Variants in CALB2 observed in about 807,000 individuals in gnomAD.
CALB2 encodes calbindin 2.
CALB2 carries 34 observed loss-of-function variants against 45.9 expected under a neutral mutation model. That is an observed-to-expected ratio of 0.74 (90% CI 0.56 to 0.99). The LOEUF is 0.99. Among genes scored for constraint, CALB2 ranks in the 50% least tolerant of loss-of-function variants. The pLI is 0.00. For missense variants in CALB2, 344 were observed against 339.3 expected (o/e 1.01, Z -0.11); for synonymous variants, 142 against 129.6 (o/e 1.10, Z -0.65).
chr16:71,382,651 G>A (rs576200028), intron 4 of CALB2, 68 bp from the exon 5 acceptor site: 2 of 1,511,842 alleles, frequency 1.3e-6, no homozygotes, highest in East Asian at 2.3e-5. Flanking sequence ...CCATTAAAGG[G>A]GAATGGAAGG....
chr16:71,382,911 G>A, intron 5 of CALB2, 136 bp downstream of exon 5: 1 of 762,206 alleles, frequency 1.3e-6, no homozygotes, highest in Non-Finnish European at 2.1e-6. Flanking sequence ...CTGAATTGTT[G>A]GACTTGTTTA....
intron 1 of CALB2, among the ~76,000 whole-genome samples, chr16:71,360,086 CAG>C (rs1598156466): frequency 6.6e-6 from 1 of 152,220 alleles, no homozygotes; most frequent in African/African-American, 2.4e-5. Flanking sequence ...TGTGGGATGA[CAG>C]GGAGTTTATC....
intron 2 of CALB2, among the ~76,000 whole-genome samples, chr16:71,372,458 T>C (rs4788797): frequency 0.86 from 130,670 of 152,130 alleles, 56,412 homozygotes; most frequent in Admixed American, 0.91. Context: ...GGTTGATGAA[T>C]CCTCCTGCAA....
Position 71,374,742 on chromosome 16 carries a change from C to T in CALB2, c.172-3C>T, listed in dbSNP as rs1178053903. The T allele has an allele frequency of 6.9e-6, 11 of 1,604,770 alleles. No individual in the cohort carries two copies. The highest frequency in any genetic ancestry group is 9.4e-6 in the Non-Finnish European group (11 of 1,171,842). On this transcript the variant is annotated splice_region_variant and splice_polypyrimidine_tract_variant and intron_variant, in intron 2 of 10. Transcript: ENST00000302628. ...AAAATCAGCCCCCTTTGTCTTTCCA[C>T]AGATGTCAAAGAGTGACAACTTTGG...
At chr16:71,369,368 C>A (rs2042320899) in intron 1 of CALB2, among the ~76,000 whole-genome samples, 1 of 152,140 alleles carries the variant, frequency 6.6e-6, no homozygotes, top group African/African-American at 2.4e-5. Flanking sequence ...GTCGGTGCCT[C>A]AGCAAGAAAG....
chr16:71,386,250 A>T (rs1188742552), intron 10 of CALB2, among the ~76,000 whole-genome samples: 1 of 152,216 alleles, frequency 6.6e-6, no homozygotes, highest in Non-Finnish European at 1.5e-5. Flanking sequence ...TCTTCTGTGG[A>T]CGCTTGGGTT....
chr16:71,384,622 TAC>T (rs757398687), intron 8 of CALB2, among the ~76,000 whole-genome samples, 159 bp from the exon 9 acceptor site: 2 of 1,914 alleles, frequency 1.0e-3, no homozygotes, highest in Admixed American at 7.5e-3. Context: ...ACACCCCACA[TAC>T]ACAGAGACAT....
Position 71,389,839 on chromosome 16 carries a change from G to C in CALB2, c.790G>C (p.Val264Leu). The C allele has an allele frequency of 6.2e-7, 1 of 1,613,740 alleles. No individual in the cohort carries two copies. Among genetic ancestry groups the C allele is most frequent in the South Asian group, 1.1e-5 (1 of 91,072 alleles). ...GCTCTACCGCAAGGACCTGGAGATT[G>C]TGCTCTGCAGCGAGCCCCCCATGTA... ...GKLYRKDLEI[V>L]LCSEPPM Residue 264 changes from valine to leucine, a missense_variant, in exon 11 of 11, where the codon GTG becomes CTG. Transcript: ENST00000302628.
In CALB2 at chr16:71,372,186, A is replaced by C; in HGVS notation, c.128A>C (p.Asn43Thr). 6.8e-6 allele frequency: 11 copies of C among 1,612,380 alleles called. No individual in the cohort carries two copies. The highest frequency in any genetic ancestry group is 9.3e-6 in the Non-Finnish European group (11 of 1,179,150). ...TATATTGAAGGTAAAGAGCTAGAAAACTTTTTCCAAGAGCTGGAGAAGGCA... is the reference window on the plus strand; with the variant it reads ...TATATTGAAGGTAAAGAGCTAGAAACCTTTTTCCAAGAGCTGGAGAAGGCA... ...NGYIEGKELE[N>T]FFQELEKARK... The change falls in exon 2 of 11, where the codon AAC (asparagine) becomes ACC (threonine). Residue 43 changes from asparagine to threonine, a missense_variant. Transcript: ENST00000302628.
chr16:71,383,712 G>A (rs1438361323), intron 6 of CALB2, among the ~76,000 whole-genome samples: 1 of 152,136 alleles, frequency 6.6e-6, no homozygotes, highest in Non-Finnish European at 1.5e-5. Flanking sequence ...GAGAGAGTGG[G>A]CCTTTAGTGC....
intron 4 of CALB2, among the ~76,000 whole-genome samples, chr16:71,380,861 T>C (rs924197500): frequency 6.6e-6 from 1 of 152,208 alleles, no homozygotes; most frequent in Non-Finnish European, 1.5e-5. Flanking sequence ...ATTTTAGTGA[T>C]GCCTCAGGAT....
intron 1 of CALB2, among the ~76,000 whole-genome samples, chr16:71,367,569 G>A (rs1369942411): frequency 1.3e-5 from 2 of 152,104 alleles, no homozygotes; most frequent in Non-Finnish European, 2.9e-5. Flanking sequence ...TCTGGGCCCT[G>A]CAGCGCCACC....
At chr16:71,388,435 T>G (rs1011518723) in intron 10 of CALB2, among the ~76,000 whole-genome samples, 4 of 152,148 alleles carry the variant, frequency 2.6e-5, no homozygotes. Context: ...TTAAGTCATT[T>G]TCCAGTGTTG....
At chr16:71,359,966 C>G (rs955624538) in intron 1 of CALB2, among the ~76,000 whole-genome samples, 36 of 152,248 alleles carry the variant, frequency 2.4e-4, no homozygotes, top group African/African-American at 8.0e-4. Flanking sequence ...AAGACAGATG[C>G]TGTCTCCAGA....
At chr16:71,380,288 T>A (rs867602893) in intron 4 of CALB2, among the ~76,000 whole-genome samples, 6 of 75,164 alleles carry the variant, frequency 8.0e-5, no homozygotes, top group Non-Finnish European at 1.4e-4. Context: ...CTTTCCTTCC[T>A]TTTCTTTTTT....
In CALB2 at chr16:71,358,819, T is replaced by C. The variant is rs1598155611; in HGVS notation, c.27T>C (p.Pro9=). Residue 9 remains proline, a synonymous_variant, in exon 1 of 11, where the codon CCT becomes CCC. Transcript: ENST00000302628. MAGPQQQP[P]YLHLAELTAS... ...TGGCTGGCCCGCAGCAGCAGCCCCC[T>C]TACCTGCACCTGGCCGAGCTGACGG... The C allele has an allele frequency of 6.2e-7, 1 of 1,611,100 alleles. No individual in the cohort carries two copies. Among genetic ancestry groups the C allele is most frequent in the South Asian group, 1.1e-5 (1 of 90,412 alleles).
intron 4 of CALB2, among the ~76,000 whole-genome samples, chr16:71,379,290 T>C: frequency 6.6e-6 from 1 of 151,152 alleles, no homozygotes. Context: ...AATAAATAAA[T>C]AAATAAATAA....
chr16:71,370,711 A>T (rs2042340071), intron 1 of CALB2, among the ~76,000 whole-genome samples: 1 of 152,158 alleles, frequency 6.6e-6, no homozygotes, highest in African/African-American at 2.4e-5. Flanking sequence ...AGCCTGGGCA[A>T]CACAGCAAGA....
chr16:71,389,941 A>G lies in CALB2; in HGVS notation c.*76A>G. On this transcript the variant is annotated 3_prime_UTR_variant, in exon 11 of 11. Transcript: ENST00000302628. The stretch of plus-strand genomic sequence containing the variant: ...CCCTGATGCGTCTACCCAGACTCAG[A>G]GACCGTGAGCGCCCCGCCCCCACCC... 1 of 994,058 alleles carries G rather than the reference A, an allele frequency of 1.0e-6. No individual in the cohort carries two copies. Among genetic ancestry groups the G allele is most frequent in the South Asian group, 1.3e-5 (1 of 76,284 alleles). 61.6% of individuals were successfully genotyped at this position (994,058 alleles called of 1,614,324 possible).
Sources: gnomAD v4.1 joint callset for allele counts (sites outside exome capture counted in the v4.1 genomes callset) on GRCh38, gnomAD v4.1.1 for gene constraint, MANE v1.5 for transcripts, NCBI Gene and HGNC (gene_info 2026-07-23, HGNC 2026-07-21) for gene names.